CDH18: variants seen among roughly 807,000 people sequenced by gnomAD.
CDH18 encodes the protein cadherin 18.
A neutral mutation model predicts 67.9 loss-of-function variants in CDH18; 31 were observed. That is an observed-to-expected ratio of 0.46 (90% CI 0.34 to 0.62). The LOEUF is 0.62. Ranked by LOEUF, CDH18 falls within the 20% of genes least tolerant of loss-of-function variation. CDH18 has a pLI of 0.01. For synonymous variants in CDH18, 362 were observed against 347.2 expected (o/e 1.04, Z -0.48); for missense variants, 890 against 975.5 (o/e 0.91, Z 1.17).
intron 3 of CDH18, among the ~76,000 whole-genome samples, chr5:19,817,627 A>T (rs1294524214): frequency 6.6e-6 from 1 of 152,074 alleles, no homozygotes; most frequent in Non-Finnish European, 1.5e-5. Context: ...TGGCTATCAA[A>T]GTTTATAGTT....
chr5:19,622,409 T>C (rs1750853634), intron 5 of CDH18, among the ~76,000 whole-genome samples: 1 of 152,210 alleles, frequency 6.6e-6, no homozygotes, highest in Non-Finnish European at 1.5e-5. Flanking sequence ...CTACTATCGC[T>C]ACCATTTAGA....
chr5:20,018,033 T>C (rs1040547190), intron 2 of CDH18, among the ~76,000 whole-genome samples: 1 of 152,184 alleles, frequency 6.6e-6, no homozygotes, highest in African/African-American at 2.4e-5. Flanking sequence ...TTAGTTGTTA[T>C]TGCAAGTGTT....
rs1737687189 is a variant in CDH18 at position 19,552,752 on chromosome 5, A to G, written c.1254-8747T>C. ...GTCTTTATTAGCCCTCTAACTGGAC[A>G]AGTCCCATAGGCAAACCTTAACTAA... On this transcript the variant is annotated intron_variant, in intron 8 of 12. Transcript: ENST00000382275. 3.3e-5 allele frequency among the ~76,000 whole-genome samples: 5 copies of G among 152,278 alleles called. No individual in the cohort carries two copies. In the South Asian group the frequency reaches 1.0e-3, roughly 32 times the overall value.
intron 5 of CDH18, among the ~76,000 whole-genome samples, chr5:19,638,008 C>T (rs1753413902): frequency 6.6e-6 from 1 of 152,092 alleles, no homozygotes; most frequent in Non-Finnish European, 1.5e-5. Context: ...TTATTTATTG[C>T]CCATCTTCTC....
chr5:20,242,601 A>ATATATATATATATATAC lies in CDH18; in HGVS notation c.-518+12842_-518+12843insGTATATATATATATATA, dbSNP rs1454331020. Among the ~76,000 whole-genome samples the ATATATATATATATATAC allele has an allele frequency of 1.4e-4, 8 of 55,828 alleles. 1 individual carries two copies. Among genetic ancestry groups the ATATATATATATATATAC allele is most frequent in the African/African-American group, 7.5e-4 (8 of 10,602 alleles). The allele number at this position is 55,828 out of a possible 152,430, so 36.6% of individuals were successfully genotyped here. On this transcript the variant is annotated intron_variant, in intron 2 of 14. Coordinates refer to the CDH18 transcript ENST00000507958. ...GGTTTTGGGTTTCATTGAGGGAAAA[A>ATATATATATATATATAC]AAAAAAAAAAATATATATATATATA...
intron 2 of CDH18, among the ~76,000 whole-genome samples, chr5:19,881,016 A>C (rs1179677454): frequency 6.6e-6 from 1 of 152,152 alleles, no homozygotes; most frequent in Non-Finnish European, 1.5e-5. Flanking sequence ...CTTTGAATTC[A>C]CACAGTTAAT....
intron 5 of CDH18, among the ~76,000 whole-genome samples, chr5:19,647,655 G>A (rs1432849282): frequency 6.6e-6 from 1 of 151,194 alleles, no homozygotes; most frequent in Non-Finnish European, 1.5e-5. Flanking sequence ...TCCCTGTGGA[G>A]CTTACACAGG....
intron 1 of CDH18, among the ~76,000 whole-genome samples, chr5:20,354,566 G>A (rs374220128): frequency 3.3e-5 from 5 of 152,026 alleles, no homozygotes; most frequent in African/African-American, 7.2e-5. Context: ...CACACGTGGC[G>A]ATTTTTTGTA....
At chr5:19,740,516 T>C (rs1200048293) in intron 4 of CDH18, among the ~76,000 whole-genome samples, 1 of 152,122 alleles carries the variant, frequency 6.6e-6, no homozygotes, top group Non-Finnish European at 1.5e-5. Context: ...ATAAAATTAT[T>C]CTTGTTTTAA....
At chr5:20,524,815 C>A (rs1329100410) in intron 1 of CDH18, among the ~76,000 whole-genome samples, 1 of 152,128 alleles carries the variant, frequency 6.6e-6, no homozygotes, top group Admixed American at 6.6e-5. Context: ...TACTCTCATG[C>A]AATGTAGACT....
Position 19,762,637 on chromosome 5 carries a change from T to C in CDH18, c.229-15401A>G, listed in dbSNP as rs190050688. Among the ~76,000 whole-genome samples the C allele has an allele frequency of 5.5e-3, 831 of 152,248 alleles. 8 individuals carry two copies. Among genetic ancestry groups the C allele is most frequent in the Middle Eastern group, 0.01 (3 of 294 alleles). On this transcript the variant is annotated intron_variant, in intron 3 of 12. Coordinates refer to ENST00000382275, the MANE Select transcript of CDH18 (RefSeq NM_004934.5). ...GGATGTGGAGAAATAGGAATGCTTTTACACTGTCGGTGGGAGTGTAAACTA... is the reference window on the plus strand; with the variant it reads ...GGATGTGGAGAAATAGGAATGCTTTCACACTGTCGGTGGGAGTGTAAACTA...
At chr5:20,415,719 C>T (rs1747249858) in intron 1 of CDH18, among the ~76,000 whole-genome samples, 2 of 152,088 alleles carry the variant, frequency 1.3e-5, no homozygotes, top group African/African-American at 2.4e-5. Context: ...GTTGCAGTGG[C>T]TGAGATTGCG....
intron 2 of CDH18, among the ~76,000 whole-genome samples, chr5:19,857,618 T>A (rs1784449706): frequency 6.6e-6 from 1 of 152,106 alleles, no homozygotes; most frequent in Non-Finnish European, 1.5e-5. Context: ...GATCAGGTTT[T>A]TAAATAACAC....
At chr5:19,501,955 T>C (rs958665161) in intron 11 of CDH18, among the ~76,000 whole-genome samples, 6 of 152,210 alleles carry the variant, frequency 3.9e-5, no homozygotes, top group Admixed American at 1.3e-4. Flanking sequence ...CAAATATTGA[T>C]TCCCATAAGC....
intron 2 of CDH18, among the ~76,000 whole-genome samples, chr5:19,888,940 A>T (rs1412497150): frequency 6.6e-6 from 1 of 152,136 alleles, no homozygotes; most frequent in Non-Finnish European, 1.5e-5. Flanking sequence ...TCTGTGAGGG[A>T]TTCATTCCAG....
chr5:20,471,833 T>TTAAAAAAAAAAAAAAAAAA (rs757184101), intron 1 of CDH18, among the ~76,000 whole-genome samples: 5 of 51,486 alleles, frequency 9.7e-5, no homozygotes, highest in African/African-American at 3.2e-4. Context: ...AGATTCAGTC[T>TTAAAAAAAAAAAAAAAAAA]AAAAAAAAAA....
At chr5:19,667,515 C>A (rs1758140253) in intron 5 of CDH18, among the ~76,000 whole-genome samples, 1 of 149,944 alleles carries the variant, frequency 6.7e-6, no homozygotes, top group African/African-American at 2.4e-5. Flanking sequence ...TATACACACA[C>A]ACACACACAC....
chr5:19,911,026 A>G (rs1001975742), intron 2 of CDH18, among the ~76,000 whole-genome samples: 1 of 152,082 alleles, frequency 6.6e-6, no homozygotes, highest in African/African-American at 2.4e-5. Flanking sequence ...TCAGGTAGAG[A>G]GAGATTAGAT....
chr5:19,917,296 G>A (rs909228794), intron 2 of CDH18, among the ~76,000 whole-genome samples: 1 of 151,892 alleles, frequency 6.6e-6, no homozygotes, highest in Non-Finnish European at 1.5e-5. Context: ...ATGTTATTCT[G>A]GGCTTCCTTA....
Sources: gnomAD v4.1 joint callset for allele counts (sites outside exome capture counted in the v4.1 genomes callset) on GRCh38, gnomAD v4.1.1 for gene constraint, MANE v1.5 for transcripts, NCBI Gene and HGNC (gene_info 2026-07-23, HGNC 2026-07-21) for gene names.